ADAMTSL1: variants seen among roughly 807,000 people sequenced by gnomAD.
ADAMTSL1 encodes ADAMTS-like protein 1.
ADAMTSL1 carries 126 observed loss-of-function variants against 201.8 expected under a neutral mutation model. The ratio of observed to expected loss-of-function variants is 0.62; its 90% CI spans 0.54 to 0.72. ADAMTSL1 has a LOEUF of 0.72. Ranked by LOEUF, ADAMTSL1 falls within the 30% of genes least tolerant of loss-of-function variation. ADAMTSL1 has a pLI of 0.00. For synonymous variants in ADAMTSL1, 1,121 were observed against 903.4 expected, an observed-to-expected ratio of 1.24 and a Z score of -4.32; for missense variants, 2,679 against 2,277.8, an observed-to-expected ratio of 1.18 and a Z score of -3.59.
chr9:18,848,786 T>A (rs1030119220), intron 23 of ADAMTSL1, among the ~76,000 whole-genome samples: 2 of 152,212 alleles, frequency 1.3e-5, no homozygotes, highest in Admixed American at 6.5e-5. Flanking sequence ...AACTCTGCAG[T>A]TGAAAAGTGA....
intron 2 of ADAMTSL1, among the ~76,000 whole-genome samples, chr9:18,366,459 T>C (rs1033457438): frequency 6.6e-6 from 1 of 152,038 alleles, no homozygotes; most frequent in Non-Finnish European, 1.5e-5. Context: ...CATCATCATA[T>C]ACTGCTTTCT....
chr9:17,914,712 G>T (rs1469468782), intron 1 of ADAMTSL1, among the ~76,000 whole-genome samples: 2 of 151,910 alleles, frequency 1.3e-5, no homozygotes, highest in Non-Finnish European at 2.9e-5. Flanking sequence ...TATTCAATTA[G>T]GAAAAGAGGA....
At chr9:18,612,233 T>A (rs1362232263) in intron 4 of ADAMTSL1, among the ~76,000 whole-genome samples, 1 of 152,208 alleles carries the variant, frequency 6.6e-6, no homozygotes, top group African/African-American at 2.4e-5. Flanking sequence ...GAAATTAAAC[T>A]CTCAGATTAC....
intron 1 of ADAMTSL1, among the ~76,000 whole-genome samples, chr9:18,484,866 A>G (rs1396973334): frequency 6.6e-6 from 1 of 152,202 alleles, no homozygotes; most frequent in Non-Finnish European, 1.5e-5. Context: ...TCAGAAAAAA[A>G]ATAAGGCTGG....
chr9:18,327,290 A>C (rs906725122), intron 2 of ADAMTSL1, among the ~76,000 whole-genome samples: 1 of 152,236 alleles, frequency 6.6e-6, no homozygotes, highest in Non-Finnish European at 1.5e-5. Flanking sequence ...ATGTCACACT[A>C]TGGTTATGCT....
intron 4 of ADAMTSL1, among the ~76,000 whole-genome samples, chr9:18,583,675 C>T (rs371522770): frequency 3.6e-4 from 55 of 152,232 alleles, no homozygotes; most frequent in African/African-American, 9.9e-4. Context: ...TAAAAGCAGC[C>T]GGGAAGGAGG....
chr9:18,098,942 C>G (rs544904495), intron 1 of ADAMTSL1, among the ~76,000 whole-genome samples: 5 of 152,116 alleles, frequency 3.3e-5, no homozygotes, highest in South Asian at 2.1e-4. Context: ...TTTCCCTCCC[C>G]TAAAGATTAC....
chr9:18,403,937 C>A (rs908464222), intron 2 of ADAMTSL1, among the ~76,000 whole-genome samples: 2 of 152,090 alleles, frequency 1.3e-5, no homozygotes, highest in Non-Finnish European at 2.9e-5. Flanking sequence ...GATATGTGAG[C>A]CTTTTATGTA....
chr9:18,151,805 GC>G (rs1336686944), intron 1 of ADAMTSL1, among the ~76,000 whole-genome samples: 2 of 151,962 alleles, frequency 1.3e-5, no homozygotes, highest in African/African-American at 4.8e-5. Context: ...AATATGCTGT[GC>G]TTTTTTTGTT....
At position 18,817,180 on chromosome 9, in the gene ADAMTSL1, G is replaced by T; in HGVS notation, c.3877G>T (p.Gly1293Ter). The change falls in exon 21 of 29, where the codon GGA becomes TGA. Residue 1293 changes from glycine (G) to a stop codon, truncating the protein, a stop_gained. Coordinates refer to ENST00000380548, the MANE Select transcript of ADAMTSL1 (RefSeq NM_001040272.6). LOFTEE classifies it high-confidence loss of function. ...GAAGCCTGCAGTCACAGTCGATATA[G>T]GAAGCACCATCAAAACAGTGCAGGG... ...TEKPAVTVDIGSTIKTVQGVN... is the reference protein window; with the variant it reads ...TEKPAVTVDI 1 of 1,582,268 alleles carries T rather than the reference G, an allele frequency of 6.3e-7. No individual in the cohort carries two copies.
At chr9:18,141,112 G>T (rs1341968120) in intron 1 of ADAMTSL1, among the ~76,000 whole-genome samples, 1 of 152,136 alleles carries the variant, frequency 6.6e-6, no homozygotes, top group Non-Finnish European at 1.5e-5. Context: ...GCCAAGCCCT[G>T]GGCTCGAAGC....
At chr9:18,053,183 T>C (rs1822012750) in intron 1 of ADAMTSL1, among the ~76,000 whole-genome samples, 1 of 152,164 alleles carries the variant, frequency 6.6e-6, no homozygotes, top group South Asian at 2.1e-4. Flanking sequence ...TTGGACTTCA[T>C]GGAGAAGGGT....
intron 1 of ADAMTSL1, among the ~76,000 whole-genome samples, chr9:18,156,877 G>T (rs146141529): frequency 2.0e-5 from 3 of 152,056 alleles, no homozygotes; most frequent in Admixed American, 1.3e-4. Context: ...TGTTCCCTTC[G>T]TGAAAGGAAT....
At chr9:18,344,700 G>A (rs561653968) in intron 2 of ADAMTSL1, among the ~76,000 whole-genome samples, 6 of 152,238 alleles carry the variant, frequency 3.9e-5, no homozygotes, top group Non-Finnish European at 7.4e-5. Context: ...GAGCAGCAAA[G>A]CAAAATCCTG....
At chr9:18,875,699 G>T (rs563750854) in intron 23 of ADAMTSL1, among the ~76,000 whole-genome samples, 153 of 152,254 alleles carry the variant, frequency 1.0e-3, no homozygotes, top group African/African-American at 3.5e-3. Context: ...TATTCCATGT[G>T]CTGATGAATA....
chr9:18,515,624 C>T (rs974322978), intron 2 of ADAMTSL1, among the ~76,000 whole-genome samples: 1 of 152,100 alleles, frequency 6.6e-6, no homozygotes, highest in Non-Finnish European at 1.5e-5. Context: ...GATGAGCTAC[C>T]ACAGGATTTT....
chr9:18,189,586 A>C (rs1204404723), intron 2 of ADAMTSL1, among the ~76,000 whole-genome samples: 3 of 152,184 alleles, frequency 2.0e-5, no homozygotes, highest in Non-Finnish European at 4.4e-5. Context: ...AAAACTTAAA[A>C]GTTACAGATA....
intron 2 of ADAMTSL1, among the ~76,000 whole-genome samples, chr9:18,165,295 C>T (rs1477978997): frequency 1.3e-5 from 2 of 151,806 alleles, no homozygotes; most frequent in African/African-American, 4.8e-5. Flanking sequence ...TATATAGATA[C>T]TACATGAAAA....
chr9:18,416,024 A>C (rs561765149), intron 2 of ADAMTSL1, among the ~76,000 whole-genome samples: 1 of 152,192 alleles, frequency 6.6e-6, no homozygotes, highest in East Asian at 1.9e-4. Flanking sequence ...CATTACTAGC[A>C]GACCTGTACT....
Sources: allele counts gnomAD v4.1 joint callset (sites outside exome capture counted in the v4.1 genomes callset), GRCh38; gene constraint gnomAD v4.1.1; transcripts MANE v1.5; gene names NCBI Gene and HGNC (gene_info 2026-07-23, HGNC 2026-07-21).